Variants in TTN observed in about 807,000 individuals in gnomAD.
TTN encodes the protein connectin.
A neutral mutation model predicts 3,223.0 loss-of-function variants in TTN; 1,525 were observed. The ratio of observed to expected loss-of-function variants is 0.47; its 90% CI spans 0.45 to 0.49. TTN has a LOEUF of 0.49. Among genes scored for constraint, TTN ranks in the 20% least tolerant of loss-of-function variants. The pLI is 0.00. For synonymous variants in TTN, 14,094 were observed against 15,161.0 expected (o/e 0.93, Z 5.17); for missense variants, 40,786 against 43,424.0 (o/e 0.94, Z 5.40).
At chr2:178,608,118 A>T in intron 275 of TTN, 37 bp from the exon 276 acceptor site, 1 of 1,606,198 alleles carries the variant, frequency 6.2e-7, no homozygotes, top group Non-Finnish European at 8.5e-7. Context: ...AAACTCCCTG[A>T]TGGTTTTAAA....
rs768497622 is a variant in TTN, at chr2:178,704,337, T to C, written c.30033A>G (p.Gln10011=). The C allele has an allele frequency of 1.4e-4, 227 of 1,613,918 alleles. No homozygotes were observed. Among genetic ancestry groups the C allele is most frequent in the Non-Finnish European group, 1.8e-4 (214 of 1,179,896 alleles). ...KEGQTCTMTC[Q]FSVPNVKSEW... ...CAGATTTTACATTTGGTACAGAAAA[T>C]TGGCATGTCATGGTGCAAGTCTGGC... The change falls in exon 106 of 363, where the codon CAA becomes CAG. Residue 10011 remains glutamine (Q), a synonymous_variant. Coordinates refer to ENST00000589042, the MANE Select transcript of TTN (RefSeq NM_001267550.2).
At position 178,734,374 on chromosome 2, in the gene TTN, A is replaced by G. The variant is rs2081069911; in HGVS notation, c.15450T>C (p.Ala5150=). ...TGCAGCCACACTTGCCGACTTCATT[A>G]GCAACAACACATTCATATTCACCAA... is the stretch of plus-strand genomic sequence containing the variant. ...ADVGEYECVV[A]NEVGKCGCMA... is the part of the protein sequence containing the mutation. The change falls in exon 52 of 363, where the codon GCT becomes GCC. Residue 5150 remains alanine (A), a synonymous_variant. Coordinates refer to ENST00000589042, the MANE Select transcript of TTN (RefSeq NM_001267550.2). 6.2e-7 allele frequency: 1 copy of G among 1,610,068 alleles called. No homozygotes were observed. The highest frequency in any genetic ancestry group is 8.5e-7 in the Non-Finnish European group (1 of 1,177,324).
rs773339162 is a variant in TTN at position 178,779,478 on chromosome 2, A to G, written c.3730-16T>C. ...TATGGAATTCCTATGCAAAAAGATTATGGTCTGTTAAAAATACATATCCTT... is the reference window on the plus strand; with the variant it reads ...TATGGAATTCCTATGCAAAAAGATTGTGGTCTGTTAAAAATACATATCCTT... On this transcript the variant is annotated splice_polypyrimidine_tract_variant and intron_variant, in intron 22 of 362. Coordinates refer to ENST00000589042, the MANE Select transcript of TTN (RefSeq NM_001267550.2). 7.0e-7 allele frequency: 1 copy of G among 1,418,828 alleles called. No homozygotes were observed. Among genetic ancestry groups the G allele is most frequent in the Non-Finnish European group, 9.9e-7 (1 of 1,010,522 alleles). The allele number at this position is 1,418,828 out of a possible 1,614,324, so 87.9% of individuals were successfully genotyped here.
In TTN at chr2:178,574,361, G is replaced by A. The variant is rs1283056884; in HGVS notation, c.71771C>T (p.Pro23924Leu). 1.9e-6 allele frequency: 3 copies of A among 1,613,452 alleles called. No individual in the cohort carries two copies. Among genetic ancestry groups the A allele is most frequent in the African/African-American group, 1.3e-5 (1 of 74,882 alleles). Residue 23924 changes from proline to leucine, a missense_variant, in exon 326 of 363, where the codon CCC (proline) becomes CTC (leucine). Physicochemically the swap from Pro to Leu is moderately conservative, Grantham distance 98. Transcript: ENST00000589042. ...TACTGGTTTTCCAGGTGGGTCAATGGGATCCAGAGCCAACATAGGTTCTGA... is the reference window on the plus strand; with the variant it reads ...TACTGGTTTTCCAGGTGGGTCAATGAGATCCAGAGCCAACATAGGTTCTGA... ...KPSEPMLALDPIDPPGKPVPL... is the reference protein window; with the variant it reads ...KPSEPMLALDLIDPPGKPVPL...
chr2:178,531,110 G>C lies in TTN; in HGVS notation c.105505C>G (p.Leu35169Val). 2 of 1,613,974 alleles carry C rather than the reference G, an allele frequency of 1.2e-6. No homozygotes were observed. The highest frequency in any genetic ancestry group is 2.2e-5 in the South Asian group (2 of 91,084). ...ACTTGGTGGCGGGCAGAAGTACTTA[G>C]CACTTGTCCTTTACGCAGCCAGGTC... Reference protein sequence around the residue: ...TVTWLRKGQVLSTSARHQVTT... With the variant: ...TVTWLRKGQVVSTSARHQVTT... Residue 35169 changes from leucine to valine, a missense_variant, in exon 358 of 363, where the codon CTA (leucine) becomes GTA (valine). Leu to Val is a conservative substitution (Grantham distance 32, BLOSUM62 1). Transcript: ENST00000589042.
chr2:178,776,835 G>C lies in TTN; in HGVS notation c.5029C>G (p.Leu1677Val). ...CCATATCGCAAATGGAGGGGCTCCA[G>C]TTCTGGGGCTGCAATCTCCTTTGCT... ...YRAKEIAAPELEPLHLRYGQE... is the reference protein window; with the variant it reads ...YRAKEIAAPEVEPLHLRYGQE... The change falls in exon 28 of 363, where the codon CTG (leucine) becomes GTG (valine). Residue 1677 changes from leucine (L) to valine (V), a missense_variant. Coordinates refer to ENST00000589042, the MANE Select transcript of TTN (RefSeq NM_001267550.2). 1 of 1,614,114 alleles carries C rather than the reference G, an allele frequency of 6.2e-7. No individual in the cohort carries two copies. Among genetic ancestry groups the C allele is most frequent in the Non-Finnish European group, 8.5e-7 (1 of 1,180,016 alleles).
At chr2:178,601,808 T>G (rs371001610) in intron 285 of TTN, 21 bp from the exon 286 acceptor site, 4 of 1,603,254 alleles carry the variant, frequency 2.5e-6, no homozygotes, top group Non-Finnish European at 2.6e-6. Flanking sequence ...AAAATAGTAG[T>G]CATACATTGA....
chr2:178,574,275 C>T lies in TTN; in HGVS notation c.71857G>A (p.Gly23953Ser). 6.2e-7 allele frequency: 1 copy of T among 1,613,044 alleles called. No individual in the cohort carries two copies. The highest frequency in any genetic ancestry group is 8.5e-7 in the Non-Finnish European group (1 of 1,179,364). Reference protein sequence around the residue: ...LKWAKPEYTGGFKITSYIVEK... With the variant: ...LKWAKPEYTGSFKITSYIVEK... ...ACGATATAACTGGTAATTTTAAAGC[C>T]CCCAGTATATTCAGGCTTAGCCCAT... Residue 23953 changes from glycine to serine, a missense_variant, in exon 326 of 363, where the codon GGC becomes AGC. Physicochemically the swap from Gly to Ser is moderately conservative, Grantham distance 56. Transcript: ENST00000589042.
chr2:178,672,322 T>C, intron 154 of TTN, 55 bp from the exon 155 acceptor site: 1 of 1,603,628 alleles, frequency 6.2e-7, no homozygotes, highest in Non-Finnish European at 8.5e-7. Flanking sequence ...GAAATAAAGA[T>C]GTACATTCAA....
rs745458487 is a variant in TTN, at chr2:178,646,556, C to T, written c.40226G>A (p.Arg13409His). 6.2e-5 allele frequency: 95 copies of T among 1,541,604 alleles called. No individual in the cohort carries two copies. The highest frequency in any genetic ancestry group is 1.2e-4 in the East Asian group (5 of 40,734). Residue 13409 changes from arginine (R) to histidine (H), a missense_variant, in exon 216 of 363, where the codon CGT (arginine) becomes CAT (histidine). Coordinates refer to ENST00000589042, the MANE Select transcript of TTN (RefSeq NM_001267550.2). ...AGGTTTAATATACTTTTCAATTTCA[C>T]GTTCTTTAAAGAATGTTGACAAAGG... ...GRKETPPVEE[R>H]EIEKYIKPEE...
chr2:178,570,015 G>GA lies in TTN; in HGVS notation c.76116dup (p.His25373SerfsTer4). ...GCAGAAACTCTGAACTCATAATCGTGATTTTCTATGAGTCCAGTTACTCTC... is the reference window on the plus strand; with the variant it reads ...GCAGAAACTCTGAACTCATAATCGTGAATTTTCTATGAGTCCAGTTACTCTC... On this transcript the variant is annotated frameshift_variant, in exon 326 of 363. Coordinates refer to ENST00000589042, the MANE Select transcript of TTN (RefSeq NM_001267550.2). LOFTEE classifies it high-confidence loss of function. The GA allele has an allele frequency of 6.2e-7, 1 of 1,613,048 alleles. No individual in the cohort carries two copies. Among genetic ancestry groups the GA allele is most frequent in the Non-Finnish European group, 8.5e-7 (1 of 1,179,450 alleles).
intron 47 of TTN, chr2:178,749,977 T>C (rs1387401548): frequency 3.7e-6 from 6 of 1,613,098 alleles, no homozygotes; most frequent in Middle Eastern, 1.6e-4. Flanking sequence ...GTTTTGGTGA[T>C]TGAGTAACTT....
chr2:178,678,897 A>G (rs2068701779), intron 142 of TTN, 67 bp from the exon 143 acceptor site: 1 of 1,300,010 alleles, frequency 7.7e-7, no homozygotes, highest in African/African-American at 1.5e-5. Flanking sequence ...AAGGCTGGCA[A>G]TGTAAGGCCT....
rs1188616797 is a variant in TTN, at chr2:178,635,626, C to G, written c.41698G>C (p.Asp13900His). ...TTGAACCACTTAATGTTTGGAGTAT[C>G]TTTTGCTATATCACAGGCAAAAATA... is the stretch of plus-strand genomic sequence containing the variant. ...TAIFACDIAK[D>H]TPNIKWFKGY... The change falls in exon 227 of 363, where the codon GAT becomes CAT. Residue 13900 changes from aspartate to histidine, a missense_variant. Coordinates refer to ENST00000589042, the MANE Select transcript of TTN (RefSeq NM_001267550.2). 1.3e-6 allele frequency: 2 copies of G among 1,594,966 alleles called. No homozygotes were observed. The highest frequency in any genetic ancestry group is 1.3e-5 in the African/African-American group (1 of 74,800).
chr2:178,681,146 A>T lies in TTN; in HGVS notation c.33273T>A (p.Phe11091Leu), dbSNP rs1313988419. The T allele has an allele frequency of 6.2e-7, 1 of 1,602,808 alleles. No individual in the cohort carries two copies. The highest frequency in any genetic ancestry group is 2.2e-5 in the East Asian group (1 of 44,734). ...PKVPEEPKKV[F>L]EEKIRISITK... ...TAATTGAAATACGTATTTTTTCCTC[A>T]AAAACTTTCTTTGGTTCTTCAGGCA... Residue 11091 changes from phenylalanine to leucine, a missense_variant, in exon 138 of 363, where the codon TTT (phenylalanine) becomes TTA (leucine). Transcript: ENST00000589042.
In TTN at chr2:178,651,335, G is replaced by A. The variant is rs1226803574; in HGVS notation, c.39548-15C>T. On this transcript the variant is annotated splice_polypyrimidine_tract_variant and intron_variant, in intron 207 of 362. Transcript: ENST00000589042. ...AACTTCAGGCACTTCAAATATATTA[G>A]TATTTTAACATTAGAAACAATCACC... 1.2e-6 allele frequency: 2 copies of A among 1,610,828 alleles called. No homozygotes were observed. Among genetic ancestry groups the A allele is most frequent in the Admixed American group, 1.7e-5 (1 of 59,776 alleles).
At chr2:178,758,262 A>G (rs1413608168) in intron 44 of TTN, among the ~76,000 whole-genome samples, 2 of 152,204 alleles carry the variant, frequency 1.3e-5, no homozygotes, top group African/African-American at 2.4e-5. Flanking sequence ...TTAAAAAAAC[A>G]TCTAGTTACA....
At chr2:178,681,640 A>G (rs1411336115) in intron 136 of TTN, 21 bp downstream of exon 136, 2 of 1,595,556 alleles carry the variant, frequency 1.3e-6, no homozygotes, top group Non-Finnish European at 8.5e-7. Flanking sequence ...CTTACAGGTA[A>G]TAATGTTTTT....
chr2:178,592,384 A>G lies in TTN; in HGVS notation c.59621T>C (p.Val19874Ala), dbSNP rs1339819720. ...GSKTVSVKVL[V>A]LDKPGPPRDL... is the part of the protein sequence containing the mutation. ...CTAAGTAGTAAAATTCTTACCTAAT[A>G]CAAGTACTTTTACTGAGACAGTTTT... The change falls in exon 301 of 363, where the codon GTA becomes GCA. Residue 19874 changes from valine to alanine, a missense_variant. Physicochemically the swap from Val to Ala is moderately conservative, Grantham distance 64 (BLOSUM62 0). Transcript: ENST00000589042. 1.2e-6 allele frequency: 2 copies of G among 1,611,984 alleles called. No individual in the cohort carries two copies. The highest frequency in any genetic ancestry group is 2.7e-5 in the African/African-American group (2 of 74,750).
Sources: gnomAD v4.1 joint callset for allele counts (sites outside exome capture counted in the v4.1 genomes callset) on GRCh38, gnomAD v4.1.1 for gene constraint, MANE v1.5 for transcripts, NCBI Gene and HGNC (gene_info 2026-07-23, HGNC 2026-07-21) for gene names.